TIAM1: variants seen among roughly 807,000 people sequenced by gnomAD.
TIAM1 encodes rho guanine nucleotide exchange factor TIAM1.
In TIAM1, 65 loss-of-function variants were observed where a neutral mutation model predicts 163.5. That is an observed-to-expected ratio of 0.40 (90% CI 0.33 to 0.49). The LOEUF (loss-of-function observed/expected upper bound fraction) is 0.49. TIAM1 is among the 20% of genes least tolerant of loss of function. The pLI, the probability that TIAM1 is intolerant of heterozygous loss-of-function variation, is 0.77. For synonymous variants in TIAM1, 833 were observed against 810.1 expected (o/e 1.03, Z -0.48); for missense variants, 1,789 against 2,044.7 (o/e 0.87, Z 2.41).
intron 1 of TIAM1, among the ~76,000 whole-genome samples, chr21:31,341,043 T>C (rs1335121843): frequency 6.6e-6 from 1 of 152,166 alleles, no homozygotes; most frequent in Non-Finnish European, 1.5e-5. Flanking sequence ...AACTTCACCT[T>C]CCTTCACCTT....
rs556381345 is a variant in TIAM1, at chr21:31,339,344, C to T, written c.-290G>A. The T allele has an allele frequency of 6.0e-5, 24 of 398,614 alleles. No homozygotes were observed. The South Asian group carries it at 3.1e-3, about 51-fold the overall frequency. 24.7% of individuals were successfully genotyped at this position (398,614 alleles called of 1,614,324 possible). ...AGACTAGGATTCAGAGCATTATGCC[C>T]ATGGTACCAACCAGCCTCCTCTTCC... On this transcript the variant is annotated 5_prime_UTR_variant, in exon 2 of 28. The change abolishes an upstream ATG in the 5' untranslated region. Coordinates refer to ENST00000541036, the MANE Select transcript of TIAM1 (RefSeq NM_001353694.2).
intron 10 of TIAM1, among the ~76,000 whole-genome samples, chr21:31,210,574 GAAAGAAAGAAAGAAAGAA>G (rs1276773586): frequency 4.3e-5 from 5 of 117,454 alleles, no homozygotes; most frequent in Admixed American, 3.0e-4. Flanking sequence ...AAGAAAGAAA[GAAAGAAAGAAAGAAAGAA>G]AGAGAGAAAG....
intron 2 of TIAM1, among the ~76,000 whole-genome samples, chr21:31,425,018 A>C (rs1395230085): frequency 6.6e-6 from 1 of 151,498 alleles, no homozygotes; most frequent in Non-Finnish European, 1.5e-5. Flanking sequence ...ATACCACTGC[A>C]CTCCAGTCCA....
chr21:31,152,962 A>C (rs1039386475), intron 18 of TIAM1, 104 bp downstream of exon 18: 3 of 1,343,854 alleles, frequency 2.2e-6, no homozygotes, highest in Non-Finnish European at 3.1e-6. Context: ...CAATTAAATA[A>C]ATTTAAAATG....
chr21:31,174,153 G>A (rs2084655066), intron 15 of TIAM1, among the ~76,000 whole-genome samples: 1 of 152,190 alleles, frequency 6.6e-6, no homozygotes, highest in African/African-American at 2.4e-5. Flanking sequence ...GCCCCTCCCT[G>A]CCGCCTGACT....
At chr21:31,448,163 C>A (rs1437704790) in intron 2 of TIAM1, among the ~76,000 whole-genome samples, 2 of 152,178 alleles carry the variant, frequency 1.3e-5, no homozygotes, top group Non-Finnish European at 2.9e-5. Flanking sequence ...CGTATCTGGG[C>A]ACCTTGTGGC....
chr21:31,180,521 C>CTTTTCTT (rs201566274), intron 15 of TIAM1, among the ~76,000 whole-genome samples: 22 of 147,100 alleles, frequency 1.5e-4, no homozygotes, highest in Non-Finnish European at 1.8e-4. Flanking sequence ...TTACCCACCT[C>CTTTTCTT]TTTTTTTTTT....
chr21:31,229,714 G>A (rs562650970), intron 6 of TIAM1, among the ~76,000 whole-genome samples: 3 of 151,668 alleles, frequency 2.0e-5, no homozygotes, highest in Non-Finnish European at 4.4e-5. Context: ...CAGTAGCAGT[G>A]CAATCTCGGC....
chr21:31,165,321 C>A (rs1601377908), intron 15 of TIAM1, among the ~76,000 whole-genome samples: 1 of 152,130 alleles, frequency 6.6e-6, no homozygotes, highest in Non-Finnish European at 1.5e-5. Flanking sequence ...TCCCCCCATA[C>A]AAATTCTTAT....
intron 2 of TIAM1, among the ~76,000 whole-genome samples, chr21:31,460,087 C>T (rs2045267868): frequency 6.6e-6 from 1 of 152,142 alleles, no homozygotes; most frequent in Admixed American, 6.5e-5. Flanking sequence ...AAACAAGCCC[C>T]AGGTCAGTCT....
At chr21:31,277,878 T>C (rs2073369961) in intron 2 of TIAM1, among the ~76,000 whole-genome samples, 1 of 152,192 alleles carries the variant, frequency 6.6e-6, no homozygotes, top group African/African-American at 2.4e-5. Context: ...GATGCAACAT[T>C]TGGATACAGG....
intron 15 of TIAM1, among the ~76,000 whole-genome samples, chr21:31,173,706 T>G (rs1203422471): frequency 6.6e-6 from 1 of 152,202 alleles, no homozygotes; most frequent in African/African-American, 2.4e-5. Context: ...AATAGTAACT[T>G]CTTTTTAGTC....
At chr21:31,175,307 C>T (rs547316529) in intron 15 of TIAM1, among the ~76,000 whole-genome samples, 3 of 152,256 alleles carry the variant, frequency 2.0e-5, no homozygotes, top group East Asian at 3.9e-4. Context: ...GCACCTGCTT[C>T]GCCCCAACTG....
chr21:31,309,809 G>T (rs2074855975), intron 2 of TIAM1, among the ~76,000 whole-genome samples: 1 of 152,050 alleles, frequency 6.6e-6, no homozygotes, highest in Non-Finnish European at 1.5e-5. Flanking sequence ...TGCGTGACCA[G>T]ACATTCATTC....
chr21:31,290,512 C>T (rs373701707), intron 2 of TIAM1, among the ~76,000 whole-genome samples: 13 of 151,676 alleles, frequency 8.6e-5, no homozygotes, highest in African/African-American at 2.4e-4. Flanking sequence ...CCAGGAATGA[C>T]GGCGCGTGCC....
chr21:31,250,151 G>GAAAAAAAA (rs755928120), intron 5 of TIAM1, among the ~76,000 whole-genome samples: 65 of 58,688 alleles, frequency 1.1e-3, no homozygotes, highest in African/African-American at 2.7e-3. Context: ...GTCTCAAACA[G>GAAAAAAAA]AAAAAAAAAA....
intron 2 of TIAM1, among the ~76,000 whole-genome samples, chr21:31,428,814 C>G (rs1036073702): frequency 6.6e-6 from 1 of 150,700 alleles, no homozygotes; most frequent in Non-Finnish European, 1.5e-5. Context: ...GCCCAGGAGG[C>G]CAAGGCTGCA....
intron 1 of TIAM1, among the ~76,000 whole-genome samples, chr21:31,554,318 TA>T (rs2048797969): frequency 6.6e-6 from 1 of 152,162 alleles, no homozygotes; most frequent in Admixed American, 6.5e-5. Context: ...TGCTCTTTAA[TA>T]AAATCATACT....
chr21:31,482,226 A>G, intron 1 of TIAM1, among the ~76,000 whole-genome samples: 1 of 151,798 alleles, frequency 6.6e-6, no homozygotes, highest in East Asian at 1.9e-4. Flanking sequence ...ATCTCGGCTC[A>G]CTGCAACCTC....
Sources: gnomAD v4.1 joint callset for allele counts (sites outside exome capture counted in the v4.1 genomes callset) on GRCh38, gnomAD v4.1.1 for gene constraint, MANE v1.5 for transcripts, NCBI Gene and HGNC (gene_info 2026-07-23, HGNC 2026-07-21) for gene names.